Variants in CHD9 observed in about 807,000 individuals in gnomAD.
The protein encoded by CHD9 is ATP-dependent chromatin remodeler CHD9.
Under a neutral mutation model 316.1 loss-of-function variants are expected in CHD9, and 77 were observed. That is an observed-to-expected ratio of 0.24 (90% CI 0.20 to 0.29). CHD9 has a LOEUF of 0.29. Among genes scored for constraint, CHD9 ranks in the 10% least tolerant of loss-of-function variants. The probability of loss-of-function intolerance (pLI) is 1.00; values close to 1 mark genes in which losing one functional copy is unlikely to be tolerated. For missense variants in CHD9, 2,763 were observed against 3,438.1 expected, an observed-to-expected ratio of 0.80 and a Z score of 4.91; for synonymous variants, 1,129 against 1,158.3, an observed-to-expected ratio of 0.97 and a Z score of 0.51.
chr16:53,209,762 A>G lies in CHD9; in HGVS notation c.1733A>G (p.Asp578Gly), dbSNP rs375575768. ...ATGAAATCCAAGCCAAAGGACAAAG[A>G]CAGCAAAAAAACAAAAACATGTTCT... ...RRMKSKPKDK[D>G]SKKTKTCSKL... Residue 578 changes from aspartate to glycine, a missense_variant, in exon 3 of 39, where the codon GAC becomes GGC. Coordinates refer to ENST00000447540, the MANE Select transcript of CHD9 (RefSeq NM_001308319.2). The G allele has an allele frequency of 8.1e-6, 13 of 1,608,298 alleles. No homozygotes were observed. Among genetic ancestry groups the G allele is most frequent in the African/African-American group, 1.3e-5 (1 of 74,474 alleles).
chr16:53,289,864 G>A (rs1463736252), intron 27 of CHD9, among the ~76,000 whole-genome samples: 2 of 152,144 alleles, frequency 1.3e-5, no homozygotes, highest in African/African-American at 4.8e-5. Flanking sequence ...AATCTGCCCT[G>A]TAAGGTTGCC....
At chr16:53,228,596 G>A (rs1310793892) in intron 7 of CHD9, among the ~76,000 whole-genome samples, 7 of 145,578 alleles carry the variant, frequency 4.8e-5, no homozygotes, top group Admixed American at 1.4e-4. Context: ...GCCGGACTGC[G>A]GACTGCAGTG....
In CHD9 at chr16:53,317,073, G is replaced by A. The variant is rs146298684; in HGVS notation, c.7585-1139G>A. ...CAGCTGGGCATGGTGGCGGGTGCCTGTAGTCCCAGCTACTCGAGAGGCTGA... is the reference window on the plus strand; with the variant it reads ...CAGCTGGGCATGGTGGCGGGTGCCTATAGTCCCAGCTACTCGAGAGGCTGA... On this transcript the variant is annotated intron_variant, in intron 36 of 38. Coordinates refer to ENST00000447540, the MANE Select transcript of CHD9 (RefSeq NM_001308319.2). 9.7e-4 allele frequency among the ~76,000 whole-genome samples: 145 copies of A among 150,234 alleles called. 1 individual carries two copies. Among genetic ancestry groups the A allele is most frequent in the African/African-American group, 3.4e-3 (140 of 40,998 alleles).
At chr16:53,123,035 A>G (rs538353107) in intron 1 of CHD9, among the ~76,000 whole-genome samples, 2 of 139,438 alleles carry the variant, frequency 1.4e-5, no homozygotes, top group South Asian at 4.6e-4. Flanking sequence ...GCTAATTTTT[A>G]TATTTTTAGT....
intron 24 of CHD9, among the ~76,000 whole-genome samples, chr16:53,282,187 A>G (rs1263943112): frequency 6.6e-6 from 1 of 152,058 alleles, no homozygotes; most frequent in African/African-American, 2.4e-5. Flanking sequence ...ACATGTTTAC[A>G]TCTCTGTCAC....
chr16:53,187,619 A>T (rs993659658), intron 2 of CHD9, among the ~76,000 whole-genome samples: 2 of 152,190 alleles, frequency 1.3e-5, no homozygotes, highest in African/African-American at 4.8e-5. Flanking sequence ...AAGAAAGATA[A>T]TCAGATTTAA....
At chr16:53,073,655 C>T (rs963613988) in intron 1 of CHD9, among the ~76,000 whole-genome samples, 5 of 152,108 alleles carry the variant, frequency 3.3e-5, no homozygotes, top group Admixed American at 1.3e-4. Flanking sequence ...GTACTGTTCT[C>T]GTGGTAGTGA....
intron 2 of CHD9, among the ~76,000 whole-genome samples, chr16:53,165,648 CAGAA>C (rs1235059916): frequency 6.6e-6 from 1 of 151,936 alleles, no homozygotes; most frequent in Non-Finnish European, 1.5e-5. Context: ...TCATCTTAAG[CAGAA>C]AGAGTTAATT....
At chr16:53,212,093 G>A (rs767440910) in intron 3 of CHD9, among the ~76,000 whole-genome samples, 3 of 152,076 alleles carry the variant, frequency 2.0e-5, no homozygotes, top group African/African-American at 7.2e-5. Flanking sequence ...ATCAACAGCA[G>A]TGTAAAATAT....
chr16:53,081,453 A>T (rs148845675), intron 1 of CHD9, among the ~76,000 whole-genome samples: 74 of 152,322 alleles, frequency 4.9e-4, no homozygotes, highest in African/African-American at 1.6e-3. Flanking sequence ...CCTGCAGTTC[A>T]TTGTATTGGG....
At chr16:53,081,839 G>GTGAATGAATGAA (rs57324357) in intron 1 of CHD9, among the ~76,000 whole-genome samples, 9,609 of 150,140 alleles carry the variant, frequency 0.064, 432 homozygotes, top group East Asian at 0.24. Flanking sequence ...TGTCAAGTTT[G>GTGAATGAATGAA]TGAATGAATG....
At chr16:53,207,905 G>A (rs935160740) in intron 2 of CHD9, 1 of 285,156 alleles carries the variant, frequency 3.5e-6, no homozygotes, top group African/African-American at 2.3e-5. Flanking sequence ...TTAAATTGCA[G>A]AGTCTAATGG....
intron 1 of CHD9, among the ~76,000 whole-genome samples, chr16:53,130,723 C>G (rs1286108885): frequency 6.6e-6 from 1 of 151,816 alleles, no homozygotes; most frequent in African/African-American, 2.4e-5. Context: ...CTCGCACCGC[C>G]CTCCGCCCTG....
rs371858680 is a variant in CHD9 at position 53,307,921 on chromosome 16, C to T, written c.7021C>T (p.Arg2341Ter). 4.3e-6 allele frequency: 7 copies of T among 1,611,644 alleles called. No individual in the cohort carries two copies. The highest frequency in any genetic ancestry group is 1.7e-5 in the Admixed American group (1 of 59,572). The change falls in exon 33 of 39, where the codon CGA becomes TGA. Residue 2341 changes from arginine (R) to a stop codon, truncating the protein, a stop_gained. Coordinates refer to ENST00000447540, the MANE Select transcript of CHD9 (RefSeq NM_001308319.2). LOFTEE classifies it high-confidence loss of function. The part of the protein sequence containing the change: ...TQMSKVKKHV[R>*]EKEFTVKIKD... ...GATGTCAAAGGTGAAGAAGCATGTACGAGAAAAGGAGTTTACAGTGAAAAT... is the reference window on the plus strand; with the variant it reads ...GATGTCAAAGGTGAAGAAGCATGTATGAGAAAAGGAGTTTACAGTGAAAAT...
intron 1 of CHD9, among the ~76,000 whole-genome samples, chr16:53,108,353 A>T (rs2152596874): frequency 6.6e-6 from 1 of 151,738 alleles, no homozygotes; most frequent in East Asian, 1.9e-4. Context: ...AATACAAAAA[A>T]ATTTAGCCAG....
At chr16:53,080,311 C>A (rs2034909541) in intron 1 of CHD9, among the ~76,000 whole-genome samples, 1 of 152,162 alleles carries the variant, frequency 6.6e-6, no homozygotes, top group Non-Finnish European at 1.5e-5. Context: ...ACTCACACGC[C>A]CATCAACATG....
At chr16:53,223,203 A>G (rs1163718223) in intron 4 of CHD9, among the ~76,000 whole-genome samples, 1 of 150,994 alleles carries the variant, frequency 6.6e-6, no homozygotes. Flanking sequence ...ATAACTGACT[A>G]TATTAAAAAT....
chr16:53,246,706 T>A (rs2049659202), intron 15 of CHD9, among the ~76,000 whole-genome samples: 1 of 151,778 alleles, frequency 6.6e-6, no homozygotes, highest in Non-Finnish European at 1.5e-5. Flanking sequence ...TTCTTTTTGG[T>A]AGAGATGGGG....
chr16:53,261,175 A>C (rs2051062893), intron 19 of CHD9, among the ~76,000 whole-genome samples: 1 of 151,814 alleles, frequency 6.6e-6, no homozygotes, highest in Non-Finnish European at 1.5e-5. Flanking sequence ...ATATGCGCAA[A>C]ATGTACATTT....
Sources: allele counts gnomAD v4.1 joint callset (sites outside exome capture counted in the v4.1 genomes callset), GRCh38; gene constraint gnomAD v4.1.1; transcripts MANE v1.5; gene names NCBI Gene and HGNC (gene_info 2026-07-23, HGNC 2026-07-21).